VWA2: variants seen among roughly 807,000 people sequenced by gnomAD.
The protein encoded by VWA2 is von Willebrand factor A domain containing 2.
Under a neutral mutation model 70.4 loss-of-function variants are expected in VWA2, and 73 were observed. The observed-to-expected ratio is 1.04, with a 90% CI of 0.86 to 1.26. The LOEUF is 1.26. Ranked by LOEUF, VWA2 falls within the 50% of genes most tolerant of loss-of-function variation. VWA2 has a pLI of 0.00. For missense variants in VWA2, 1,011 were observed against 998.5 expected, an observed-to-expected ratio of 1.01 and a Z score of -0.17; for synonymous variants, 407 against 423.3, an observed-to-expected ratio of 0.96 and a Z score of 0.47.
Position 114,267,195 on chromosome 10 carries a change from A to G in VWA2, c.372-5545A>G, listed in dbSNP as rs545894163. 5.9e-5 allele frequency among the ~76,000 whole-genome samples: 9 copies of G among 151,974 alleles called. No homozygotes were observed. In the South Asian group the frequency reaches 1.7e-3, roughly 28 times the overall value. On this transcript the variant is annotated intron_variant, in intron 5 of 13. Transcript: ENST00000392982. ...AGTGGTGCAATCTCAGCTCACTGCAACCTCCGCCTCCCAGGTTCAAGTGAT... is the reference window on the plus strand; with the variant it reads ...AGTGGTGCAATCTCAGCTCACTGCAGCCTCCGCCTCCCAGGTTCAAGTGAT...
intron 5 of VWA2, among the ~76,000 whole-genome samples, chr10:114,270,602 T>A (rs1156271915): frequency 6.6e-6 from 1 of 152,204 alleles, no homozygotes; most frequent in Non-Finnish European, 1.5e-5. Flanking sequence ...AATATTATCC[T>A]TTAGAAATGG....
intron 5 of VWA2, among the ~76,000 whole-genome samples, chr10:114,270,784 C>T (rs1350845155): frequency 1.3e-5 from 2 of 152,098 alleles, no homozygotes; most frequent in African/African-American, 4.8e-5. Flanking sequence ...GAGTCAGTGG[C>T]GTGAGTGTAG....
chr10:114,268,818 C>T (rs1258452652), intron 5 of VWA2, among the ~76,000 whole-genome samples: 3 of 152,064 alleles, frequency 2.0e-5, no homozygotes, highest in African/African-American at 7.2e-5. Flanking sequence ...CCTCAGCCTC[C>T]CGAGTAGCTG....
At chr10:114,269,516 G>A (rs1427023370) in intron 5 of VWA2, among the ~76,000 whole-genome samples, 1 of 152,196 alleles carries the variant, frequency 6.6e-6, no homozygotes, top group East Asian at 1.9e-4. Flanking sequence ...AGGTGGTGGA[G>A]GTTGCAGTGA....
chr10:114,270,200 G>C (rs926872034), intron 5 of VWA2, among the ~76,000 whole-genome samples: 1 of 152,170 alleles, frequency 6.6e-6, no homozygotes, highest in Non-Finnish European at 1.5e-5. Context: ...CCACTAGCCA[G>C]ATGAGAGTCA....
rs202040109 is a variant in VWA2, at chr10:114,269,174, G to GT, written c.372-3565dup. Among the ~76,000 whole-genome samples, 4 of 152,316 alleles carry GT rather than the reference G, an allele frequency of 2.6e-5. No individual in the cohort carries two copies. The East Asian group carries it at 7.7e-4, about 29-fold the overall frequency. ...ATCACTGTGCTGAGCAACGTGAAGG[G>GT]TAAGTACCGTCAGGCCTGTGCAGTG... On this transcript the variant is annotated intron_variant, in intron 5 of 13. Transcript: ENST00000392982.
chr10:114,269,782 A>G (rs1033558787), intron 5 of VWA2, among the ~76,000 whole-genome samples: 1 of 152,126 alleles, frequency 6.6e-6, no homozygotes, highest in African/African-American at 2.4e-5. Flanking sequence ...ATGGACCACA[A>G]GGGAGGGGAG....
At chr10:114,280,428 C>T (rs185897477) in intron 8 of VWA2, among the ~76,000 whole-genome samples, 16 of 146,292 alleles carry the variant, frequency 1.1e-4, no homozygotes, top group African/African-American at 1.4e-4. Context: ...GATGGGGATG[C>T]GGTGGGGTAG....
rs2037890068 is a variant in VWA2 at position 114,278,007 on chromosome 10, C to T, written c.660C>T (p.Ser220=). ...AGGATGCCACCAACGGCCTCTTCAGCACCCTCAGCAGCTCGGCCATCTGCT... is the reference window on the plus strand; with the variant it reads ...AGGATGCCACCAACGGCCTCTTCAGTACCCTCAGCAGCTCGGCCATCTGCT... The part of the protein sequence containing the change: ...QVEDATNGLF[S]TLSSSAICSS... Residue 220 remains serine (S), a synonymous_variant, in exon 7 of 14, where the codon AGC becomes AGT. Transcript: ENST00000392982. 6 of 1,612,964 alleles carry T rather than the reference C, an allele frequency of 3.7e-6. No individual in the cohort carries two copies. The highest frequency in any genetic ancestry group is 4.5e-5 in the East Asian group (2 of 44,838).
intron 12 of VWA2, 59 bp from the exon 13 acceptor site, chr10:114,290,181 G>T: frequency 6.5e-7 from 1 of 1,540,058 alleles, no homozygotes; most frequent in Middle Eastern, 1.7e-4. Context: ...TTAGGGTAGG[G>T]GTCTTCGGGT....
intron 4 of VWA2, 89 bp downstream of exon 4, chr10:114,255,137 C>A: frequency 6.5e-7 from 1 of 1,530,488 alleles, no homozygotes; most frequent in South Asian, 1.2e-5. Flanking sequence ...GGCATCTACT[C>A]GCTTGTGGAG....
At chr10:114,274,344 CAGGAT>C (rs1224370832) in intron 6 of VWA2, among the ~76,000 whole-genome samples, 1 of 151,984 alleles carries the variant, frequency 6.6e-6, no homozygotes, top group Non-Finnish European at 1.5e-5. Flanking sequence ...AATAGACTGA[CAGGAT>C]AGGGGTGGGA....
rs77908242 is a variant in VWA2, at chr10:114,273,753, C to T, written c.566+819C>T. The stretch of plus-strand genomic sequence containing the variant: ...TAAATCCAGGGTTGTCTTTCTCATG[C>T]TGGGCATTATTCTAGGTGCTTAGAA... On this transcript the variant is annotated intron_variant, in intron 6 of 13. Coordinates refer to ENST00000392982, the MANE Select transcript of VWA2 (RefSeq NM_001272046.2). Among the ~76,000 whole-genome samples, 857 of 152,288 alleles carry T rather than the reference C, an allele frequency of 5.6e-3. 5 individuals carry two copies. Among genetic ancestry groups the T allele is most frequent in the African/African-American group, 0.02 (822 of 41,558 alleles).
chr10:114,285,946 G>A lies in VWA2; in HGVS notation c.1005G>A (p.Lys335=). 1 of 1,593,476 alleles carries A rather than the reference G, an allele frequency of 6.3e-7. No individual in the cohort carries two copies. Among genetic ancestry groups the A allele is most frequent in the Non-Finnish European group, 8.6e-7 (1 of 1,166,238 alleles). Residue 335 remains lysine (K), a synonymous_variant, in exon 11 of 14, where the codon AAG becomes AAA. Coordinates refer to ENST00000392982, the MANE Select transcript of VWA2 (RefSeq NM_001272046.2). ...AFGGEANCAL[K]LSLECRVDLL... is the part of the protein sequence containing the mutation. ...TTGCTGTGATCCCCGCAGCCCTGAAGCTGAGCCTGGAATGCAGGGTCGACC... is the reference window on the plus strand; with the variant it reads ...TTGCTGTGATCCCCGCAGCCCTGAAACTGAGCCTGGAATGCAGGGTCGACC...
At chr10:114,285,888 G>C in intron 10 of VWA2, 51 bp from the exon 11 acceptor site, 1 of 1,510,028 alleles carries the variant, frequency 6.6e-7, no homozygotes, top group Non-Finnish European at 8.9e-7. Context: ...GGGACAGCTC[G>C]CATGCCGCAT....
Position 114,282,533 on chromosome 10 carries a change from T to A in VWA2, c.851T>A (p.Leu284Gln). The A allele has an allele frequency of 1.2e-6, 2 of 1,614,108 alleles. No individual in the cohort carries two copies. Among genetic ancestry groups the A allele is most frequent in the Non-Finnish European group, 1.7e-6 (2 of 1,179,962 alleles). The change falls in exon 9 of 14, where the codon CTA becomes CAA. Residue 284 changes from leucine to glutamine, a missense_variant. Coordinates refer to ENST00000392982, the MANE Select transcript of VWA2 (RefSeq NM_001272046.2). ...CPFYSWKRVF[L>Q]THPATCYRTT... ...GATTGTAGCTGGAAGAGAGTGTTCC[T>A]AACCCACCCTGCCACCTGCTACAGG...
intron 4 of VWA2, 132 bp downstream of exon 4, chr10:114,255,180 T>C: frequency 8.9e-7 from 1 of 1,119,078 alleles, no homozygotes; most frequent in Non-Finnish European, 1.3e-6. Flanking sequence ...TCCTGGTTCC[T>C]GGCATGGTGG....
chr10:114,248,673 A>G, intron 1 of VWA2, 31 bp from the exon 2 acceptor site: 1 of 1,593,778 alleles, frequency 6.3e-7, no homozygotes, highest in Non-Finnish European at 8.6e-7. Flanking sequence ...CTAATTGCTG[A>G]TACTTTCTTT....
chr10:114,278,941 A>G (rs147176000), intron 8 of VWA2, 90 bp downstream of exon 8: 16 of 1,563,570 alleles, frequency 1.0e-5, no homozygotes, highest in African/African-American at 8.1e-5. Flanking sequence ...GGGCCCTGCC[A>G]TGGAGATTGT....
Sources: gnomAD v4.1 joint callset for allele counts (sites outside exome capture counted in the v4.1 genomes callset) on GRCh38, gnomAD v4.1.1 for gene constraint, MANE v1.5 for transcripts, NCBI Gene and HGNC (gene_info 2026-07-23, HGNC 2026-07-21) for gene names.